The following RPTOR variants were observed in gnomAD, a reference collection of about 807,000 sequenced individuals.
RPTOR encodes the protein regulatory-associated protein of mTOR.
RPTOR carries 21 observed loss-of-function variants against 169.9 expected under a neutral mutation model. The ratio of observed to expected loss-of-function variants is 0.12; its 90% CI spans 0.09 to 0.18. The LOEUF is 0.18. Among genes scored for constraint, RPTOR ranks in the 10% least tolerant of loss-of-function variants. The probability of loss-of-function intolerance (pLI) is 1.00; values close to 1 mark genes in which losing one functional copy is unlikely to be tolerated. For synonymous variants in RPTOR, 732 were observed against 753.2 expected (o/e 0.97, Z 0.46); for missense variants, 1,133 against 1,855.9 (o/e 0.61, Z 7.16).
chr17:80,675,641 C>T (rs1310177969), intron 3 of RPTOR, among the ~76,000 whole-genome samples: 1 of 152,182 alleles, frequency 6.6e-6, no homozygotes, highest in Non-Finnish European at 1.5e-5. Flanking sequence ...CACTCCAGTT[C>T]ATGGGCTCAG....
chr17:80,943,843 T>G (rs1003679700), intron 25 of RPTOR, among the ~76,000 whole-genome samples: 5 of 97,856 alleles, frequency 5.1e-5, no homozygotes, highest in Non-Finnish European at 8.5e-5. Context: ...AGCCAGGCGG[T>G]GTCTCTCTGC....
chr17:80,892,917 T>A (rs764910643), intron 19 of RPTOR, 48 bp downstream of exon 19: 1 of 1,593,724 alleles, frequency 6.3e-7, no homozygotes, highest in African/African-American at 1.3e-5. Flanking sequence ...ATTGGGGTTG[T>A]TTTTTCTGAA....
intron 4 of RPTOR, among the ~76,000 whole-genome samples, chr17:80,720,252 G>A (rs1216985700): frequency 3.3e-5 from 5 of 151,808 alleles, no homozygotes; most frequent in Non-Finnish European, 5.9e-5. Context: ...AGCCGAGACC[G>A]TGCCATTGCA....
chr17:80,774,734 C>T (rs1165675759), intron 6 of RPTOR, among the ~76,000 whole-genome samples: 1 of 152,108 alleles, frequency 6.6e-6, no homozygotes, highest in Non-Finnish European at 1.5e-5. Flanking sequence ...GGAAGCTGTG[C>T]AAAGTAGCAT....
At chr17:80,943,471 G>GATGGTGCA (rs2069059065) in intron 25 of RPTOR, among the ~76,000 whole-genome samples, 2 of 152,242 alleles carry the variant, frequency 1.3e-5, no homozygotes, top group Non-Finnish European at 2.9e-5. Flanking sequence ...CCGGAGTCCT[G>GATGGTGCA]CTGGTGCACT....
rs571610787 is a variant in RPTOR, at chr17:80,964,463, G to C, written c.*133G>C. 1 of 821,148 alleles carries C rather than the reference G, an allele frequency of 1.2e-6. No homozygotes were observed. The highest frequency in any genetic ancestry group is 1.5e-5 in the South Asian group (1 of 67,598). 50.9% of individuals were successfully genotyped at this position (821,148 alleles called of 1,614,324 possible). A position where few individuals can be genotyped will look rare whatever the true frequency, so the allele number is the denominator to read the frequency against. On this transcript the variant is annotated 3_prime_UTR_variant, in exon 34 of 34. Coordinates refer to ENST00000306801, the MANE Select transcript of RPTOR (RefSeq NM_020761.3). ...GGCTGCTGCCTTAGCTGCTGATGAC[G>C]GCAGGAGGGCCCTGCTACTCGCTTT...
chr17:80,612,629 T>A (rs999373802), intron 1 of RPTOR, among the ~76,000 whole-genome samples: 1 of 152,244 alleles, frequency 6.6e-6, no homozygotes, highest in Non-Finnish European at 1.5e-5. Flanking sequence ...AATACTCTTC[T>A]TCGACTTTTA....
intron 3 of RPTOR, among the ~76,000 whole-genome samples, chr17:80,644,538 T>C (rs990566988): frequency 1.3e-5 from 2 of 152,160 alleles, no homozygotes; most frequent in African/African-American, 4.8e-5. Flanking sequence ...CTTTGCATGA[T>C]AGATGGACTC....
chr17:80,657,350 G>T (rs2065687797), intron 3 of RPTOR, among the ~76,000 whole-genome samples: 1 of 152,186 alleles, frequency 6.6e-6, no homozygotes, highest in Admixed American at 6.5e-5. Context: ...TCTCCCTGCT[G>T]AGTGGAGAGG....
chr17:80,786,121 G>A (rs1474811617), intron 6 of RPTOR, among the ~76,000 whole-genome samples: 1 of 152,232 alleles, frequency 6.6e-6, no homozygotes, highest in Non-Finnish European at 1.5e-5. Context: ...CTTCTGCACA[G>A]TGGGGTGGGA....
Position 80,707,879 on chromosome 17 carries a change from A to T in RPTOR, c.387A>T (p.Glu129Asp). The T allele has an allele frequency of 6.2e-7, 1 of 1,614,108 alleles. No homozygotes were observed. The highest frequency in any genetic ancestry group is 8.5e-7 in the Non-Finnish European group (1 of 1,180,004). Residue 129 changes from glutamate to aspartate, a missense_variant, in exon 4 of 34, where the codon GAA becomes GAT. By Grantham distance (45) the Glu-to-Asp change is conservative. Transcript: ENST00000306801. This position sits in a 1 kb window ranked among gnomAD's most constrained non-coding sequence, Gnocchi z 5.0. ...YKQSLDPTVD[E>D]VKKLCTSLRR... ...AGAGCCTTGACCCAACTGTGGATGA[A>T]GTCAAGAAGCTCTGCACGTCCTTAC... is the stretch of plus-strand genomic sequence containing the variant.
At chr17:80,642,356 A>C (rs2143593791) in intron 2 of RPTOR, among the ~76,000 whole-genome samples, 1 of 152,048 alleles carries the variant, frequency 6.6e-6, no homozygotes, top group South Asian at 2.1e-4. Flanking sequence ...TCCTGACCCC[A>C]GGTGATCCAC....
Position 80,651,031 on chromosome 17 carries a change from A to AC in RPTOR, c.348+7227dup, listed in dbSNP as rs1431828188. Among the ~76,000 whole-genome samples, 4 of 151,400 alleles carry AC rather than the reference A, an allele frequency of 2.6e-5. No individual in the cohort carries two copies. The highest frequency in any genetic ancestry group is 2.9e-5 in the Non-Finnish European group (2 of 67,872). On this transcript the variant is annotated intron_variant, in intron 3 of 33. Coordinates refer to ENST00000306801, the MANE Select transcript of RPTOR (RefSeq NM_020761.3). This position sits in a 1 kb window ranked among gnomAD's most constrained non-coding sequence, Gnocchi z 4.1. ...TGTGTATGACAAATTGCAAATGAGG[A>AC]CCCCCCACCGTCAGGCTGGGGACTA...
rs556453616 is a variant in RPTOR at position 80,893,342 on chromosome 17, C to T, written c.2243-365C>T. Among the ~76,000 whole-genome samples the T allele has an allele frequency of 1.3e-4, 16 of 126,022 alleles. No individual in the cohort carries two copies. In the South Asian group the frequency reaches 1.9e-3, roughly 15 times the overall value. The allele number at this position is 126,022 out of a possible 152,430, so 82.7% of individuals were successfully genotyped here. On this transcript the variant is annotated intron_variant, in intron 19 of 33. Coordinates refer to ENST00000306801, the MANE Select transcript of RPTOR (RefSeq NM_020761.3). Reference sequence around the variant, plus strand: ...TGTGTGCGCGCGCCAGGTGTGTGTGCGCCAGGGTGTGTGTGTGCTGGGTGT... The same window carrying T: ...TGTGTGCGCGCGCCAGGTGTGTGTGTGCCAGGGTGTGTGTGTGCTGGGTGT...
chr17:80,782,867 A>G (rs989290944), intron 6 of RPTOR, among the ~76,000 whole-genome samples: 2 of 152,210 alleles, frequency 1.3e-5, no homozygotes, highest in Admixed American at 1.3e-4. Context: ...TTTCTTAGGT[A>G]AAAACACATT....
chr17:80,634,290 G>T (rs200026396), intron 2 of RPTOR, among the ~76,000 whole-genome samples: 1 of 130,768 alleles, frequency 7.6e-6, no homozygotes, highest in African/African-American at 3.4e-5. Context: ...GTGTGTGTGC[G>T]TACTGTGTGT....
At position 80,860,796 on chromosome 17, in the gene RPTOR, T is replaced by C. The variant is rs1019217948; in HGVS notation, c.1509+2896T>C. ...CAGCTTCCAGCCCCTCTTCCGGTTC[T>C]GGGATCTCTCACTCTTTTTCTGGGC... On this transcript the variant is annotated intron_variant, in intron 13 of 33. Transcript: ENST00000306801. This position sits in a 1 kb window ranked among gnomAD's most constrained non-coding sequence, Gnocchi z 5.8. Among the ~76,000 whole-genome samples, 1 of 152,080 alleles carries C rather than the reference T, an allele frequency of 6.6e-6. No individual in the cohort carries two copies. Among genetic ancestry groups the C allele is most frequent in the Admixed American group, 6.5e-5 (1 of 15,278 alleles).
chr17:80,625,124 G>A (rs906429361), intron 1 of RPTOR, among the ~76,000 whole-genome samples: 1 of 152,198 alleles, frequency 6.6e-6, no homozygotes, highest in Non-Finnish European at 1.5e-5. Context: ...TGGCCAGGCC[G>A]CAGTGTAAGT....
chr17:80,856,999 C>T (rs904010726), intron 12 of RPTOR, among the ~76,000 whole-genome samples: 40 of 152,276 alleles, frequency 2.6e-4, no homozygotes, highest in African/African-American at 9.6e-4. Flanking sequence ...TAGGTCCCAC[C>T]ACCACCTCCT....
Sources: allele counts gnomAD v4.1 joint callset (sites outside exome capture counted in the v4.1 genomes callset), GRCh38; gene constraint gnomAD v4.1.1; non-coding constraint Gnocchi (gnomAD v3.1); transcripts MANE v1.5; gene names NCBI Gene and HGNC (gene_info 2026-07-23, HGNC 2026-07-21).